The following HMCN1 variants were observed in gnomAD, a reference collection of about 807,000 sequenced individuals.
The protein encoded by HMCN1 is hemicentin 1.
Under a neutral mutation model 625.9 loss-of-function variants are expected in HMCN1, and 321 were observed. The observed-to-expected ratio is 0.51, with a 90% CI of 0.47 to 0.56. The LOEUF (loss-of-function observed/expected upper bound fraction) is 0.56, where lower values mean the gene tolerates loss of function less well. Among genes scored for constraint, HMCN1 ranks in the 20% least tolerant of loss-of-function variants. The probability of loss-of-function intolerance (pLI) is 0.00; values close to 1 mark genes in which losing one functional copy is unlikely to be tolerated. For synonymous variants in HMCN1, 2,425 were observed against 2,417.6 expected (o/e 1.00, Z -0.09); for missense variants, 6,588 against 6,887.3 (o/e 0.96, Z 1.54).
chr1:186,127,786 T>C (rs1433765348), intron 82 of HMCN1, among the ~76,000 whole-genome samples: 1 of 152,148 alleles, frequency 6.6e-6, no homozygotes, highest in East Asian at 1.9e-4. Flanking sequence ...ATTTGTGCAA[T>C]GCAGAGCAGC....
In HMCN1 at chr1:186,005,289, A is replaced by T. The variant is rs181224918; in HGVS notation, c.4475+1445A>T. On this transcript the variant is annotated intron_variant, in intron 29 of 106. Transcript: ENST00000271588. ...ATTGTTTATAAATGTTTATAAACAA[A>T]TTTTTAATTGTTTAAATTGTTTATA... Among the ~76,000 whole-genome samples the T allele has an allele frequency of 7.4e-4, 97 of 131,668 alleles. 12 individuals are homozygous for T. Among genetic ancestry groups the T allele is most frequent in the African/African-American group, 1.8e-3 (53 of 29,990 alleles). 86.4% of individuals were successfully genotyped at this position (131,668 alleles called of 152,430 possible). A position where few individuals can be genotyped will look rare whatever the true frequency, so the allele number is the denominator to read the frequency against.
intron 11 of HMCN1, among the ~76,000 whole-genome samples, chr1:185,940,656 A>G (rs915473275): frequency 6.6e-6 from 1 of 152,212 alleles, no homozygotes; most frequent in East Asian, 1.9e-4. Flanking sequence ...ACAAAATTCT[A>G]TTGACAGAGA....
chr1:185,896,002 C>T (rs1231886070), intron 4 of HMCN1, among the ~76,000 whole-genome samples: 2 of 151,108 alleles, frequency 1.3e-5, no homozygotes, highest in Non-Finnish European at 2.9e-5. Context: ...GTGGCGCAAT[C>T]TCGGCTCACT....
At chr1:185,952,431 T>G (rs1051163825) in intron 11 of HMCN1, among the ~76,000 whole-genome samples, 3 of 151,500 alleles carry the variant, frequency 2.0e-5, no homozygotes, top group Admixed American at 2.0e-4. Context: ...TTGGGGTTGG[T>G]ACTGAGGGGA....
At position 186,090,851 on chromosome 1, in the gene HMCN1, C is replaced by T. The variant is rs370356305; in HGVS notation, c.9821C>T (p.Pro3274Leu). The T allele has an allele frequency of 6.2e-7, 1 of 1,612,528 alleles. No individual in the cohort carries two copies. Among genetic ancestry groups the T allele is most frequent in the East Asian group, 2.2e-5 (1 of 44,816 alleles). The part of the protein sequence containing the change: ...VELVCNANGI[P>L]TPLIQWLKDG... ...CTGGTCTGCAATGCAAATGGCATTC[C>T]TACTCCACTTATTCAATGGCTTAAA... The change falls in exon 64 of 107, where the codon CCT becomes CTT. Residue 3274 changes from proline (P) to leucine (L), a missense_variant. This residue lies in a region of HMCN1 where 4,628 missense variants were observed against 4,853.1 expected (regional missense o/e 0.95). Transcript: ENST00000271588.
intron 40 of HMCN1, among the ~76,000 whole-genome samples, chr1:186,044,796 T>G (rs1185284268): frequency 6.6e-6 from 1 of 152,140 alleles, no homozygotes; most frequent in African/African-American, 2.4e-5. Context: ...TTCTGAATTA[T>G]TATACATACA....
At chr1:185,805,056 A>G (rs1297432651) in intron 1 of HMCN1, among the ~76,000 whole-genome samples, 1 of 152,150 alleles carries the variant, frequency 6.6e-6, no homozygotes, top group Non-Finnish European at 1.5e-5. Context: ...ATCTTGAACC[A>G]TTTTAATTAA....
At chr1:185,816,629 C>T (rs1395600824) in intron 1 of HMCN1, among the ~76,000 whole-genome samples, 1 of 152,188 alleles carries the variant, frequency 6.6e-6, no homozygotes, top group Non-Finnish European at 1.5e-5. Flanking sequence ...AACCAGTGGT[C>T]TGTATTGGGT....
rs189732374 is a variant in HMCN1, at chr1:186,052,134, A to G, written c.6578-818A>G. Among the ~76,000 whole-genome samples the G allele has an allele frequency of 5.1e-3, 783 of 152,080 alleles. 8 individuals are homozygous for G. The highest frequency in any genetic ancestry group is 6.3e-3 in the Non-Finnish European group (431 of 67,928). ...TAAAGGAAGAATGACAGGTTTACAGATGGTAAAAAGAGAGAGAGAGAGAGA... is the reference window on the plus strand; with the variant it reads ...TAAAGGAAGAATGACAGGTTTACAGGTGGTAAAAAGAGAGAGAGAGAGAGA... On this transcript the variant is annotated intron_variant, in intron 42 of 106. Coordinates refer to ENST00000271588, the MANE Select transcript of HMCN1 (RefSeq NM_031935.3).
chr1:186,186,786 T>C (rs1653337415), intron 105 of HMCN1, among the ~76,000 whole-genome samples: 1 of 152,110 alleles, frequency 6.6e-6, no homozygotes, highest in South Asian at 2.1e-4. Context: ...GGGAATTGAT[T>C]CCCTGAAATA....
intron 11 of HMCN1, among the ~76,000 whole-genome samples, chr1:185,950,489 T>C (rs978669812): frequency 6.6e-6 from 1 of 151,782 alleles, no homozygotes; most frequent in Non-Finnish European, 1.5e-5. Flanking sequence ...GCGCTAACCA[T>C]GCCTAGGAGG....
chr1:185,853,932 A>G (rs961693464), intron 2 of HMCN1, among the ~76,000 whole-genome samples: 6 of 152,346 alleles, frequency 3.9e-5, no homozygotes, highest in Admixed American at 2.6e-4. Flanking sequence ...CTGTGGCCAA[A>G]TAACATTTAA....
chr1:186,081,456 G>A (rs1356724103), intron 56 of HMCN1, 62 bp downstream of exon 56: 1 of 1,207,506 alleles, frequency 8.3e-7, no homozygotes, highest in East Asian at 2.4e-5. Flanking sequence ...TGTAATAATT[G>A]TTTTTGACTT....
intron 46 of HMCN1, among the ~76,000 whole-genome samples, chr1:186,058,799 A>G (rs1275948830): frequency 6.6e-6 from 1 of 151,966 alleles, no homozygotes; most frequent in Admixed American, 6.6e-5. Flanking sequence ...AGGCATATTC[A>G]GAAAAGATTT....
chr1:185,948,314 C>A (rs1211732793), intron 11 of HMCN1, among the ~76,000 whole-genome samples: 1 of 152,002 alleles, frequency 6.6e-6, no homozygotes, highest in Non-Finnish European at 1.5e-5. Context: ...ACCAAACAGG[C>A]TTTGTGTGAG....
intron 1 of HMCN1, among the ~76,000 whole-genome samples, chr1:185,763,313 T>C (rs998805831): frequency 4.6e-5 from 7 of 151,622 alleles, no homozygotes; most frequent in Admixed American, 2.0e-4. Flanking sequence ...GGGTGAAGTT[T>C]GGGGTCAAGG....
chr1:186,108,727 T>G, intron 71 of HMCN1, 130 bp downstream of exon 71: 1 of 1,080,808 alleles, frequency 9.3e-7, no homozygotes. Context: ...ATTGCAGCAG[T>G]AAGCACAGGG....
intron 50 of HMCN1, 104 bp from the exon 51 acceptor site, chr1:186,069,559 T>C: frequency 1.3e-6 from 1 of 749,582 alleles, no homozygotes; most frequent in Non-Finnish European, 2.4e-6. Flanking sequence ...TTGTCATATG[T>C]AAAAAGAAAT....
intron 11 of HMCN1, among the ~76,000 whole-genome samples, chr1:185,935,696 T>C (rs1439150669): frequency 6.6e-6 from 1 of 152,154 alleles, no homozygotes; most frequent in Admixed American, 6.5e-5. Context: ...GCCTTGAGTT[T>C]GAAGGGCCAA....
Sources: gnomAD v4.1 joint callset for allele counts (sites outside exome capture counted in the v4.1 genomes callset) on GRCh38, gnomAD v4.1.1 for gene constraint, gnomAD v4.1.1 regional missense constraint, MANE v1.5 for transcripts, NCBI Gene and HGNC (gene_info 2026-07-23, HGNC 2026-07-21) for gene names.